CROCC2: variants seen among roughly 807,000 people sequenced by gnomAD.
CROCC2 encodes the protein ciliary rootlet coiled-coil, rootletin family member 2, also known as ciliary rootlet coiled-coil protein 2.
In CROCC2, 163 loss-of-function variants were observed where a neutral mutation model predicts 177.6. That is an observed-to-expected ratio of 0.92 (90% CI 0.81 to 1.05). The LOEUF (loss-of-function observed/expected upper bound fraction) is 1.05, where lower values mean the gene tolerates loss of function less well. Ranked by LOEUF, CROCC2 falls within the 50% of genes least tolerant of loss-of-function variation. CROCC2 has a pLI of 0.00. For synonymous variants in CROCC2, 904 were observed against 787.3 expected (o/e 1.15, Z -2.48); for missense variants, 1,929 against 1,797.8 (o/e 1.07, Z -1.32).
At position 240,922,553 on chromosome 2, in the gene CROCC2, G is replaced by A. The variant is rs1453280205; in HGVS notation, c.396G>A (p.Leu132=). 2.9e-6 allele frequency: 2 copies of A among 695,656 alleles called. No individual in the cohort carries two copies. The highest frequency in any genetic ancestry group is 2.7e-6 in the Non-Finnish European group (1 of 371,724). 43.1% of individuals were successfully genotyped at this position (695,656 alleles called of 1,614,324 possible). A position where few individuals can be genotyped will look rare whatever the true frequency, so the allele number is the denominator to read the frequency against. The change falls in exon 4 of 32, where the codon CTG becomes CTA. Residue 132 remains leucine, a synonymous_variant. Coordinates refer to ENST00000690015, the MANE Select transcript of CROCC2 (RefSeq NM_001351305.2). The part of the protein sequence containing the change: ...RVVSEQLQAR[L]ETTEAQLRRS... ...CTCCTCCCCAGCTGCAGGCCCGGCT[G>A]GAGACCACCGAGGCTCAGCTGCGGA...
intron 20 of CROCC2, among the ~76,000 whole-genome samples, chr2:240,962,041 C>T (rs1442587981): frequency 8.3e-5 from 12 of 144,842 alleles, no homozygotes; most frequent in South Asian, 4.5e-4. Context: ...CACGCACACA[C>T]GCGCACACAC....
At chr2:240,983,789 C>A in intron 28 of CROCC2, 1 of 381,842 alleles carries the variant, frequency 2.6e-6, no homozygotes, top group Non-Finnish European at 4.6e-6. Flanking sequence ...CCTGGGGAGG[C>A]ACCATGGGTG....
intron 5 of CROCC2, among the ~76,000 whole-genome samples, chr2:240,926,093 C>G (rs1027364879): frequency 6.6e-6 from 1 of 152,344 alleles, no homozygotes; most frequent in East Asian, 1.9e-4. Flanking sequence ...TACTGCCCCC[C>G]ACCCGGAGAA....
intron 14 of CROCC2, among the ~76,000 whole-genome samples, chr2:240,945,136 C>A (rs2106467368): frequency 6.6e-6 from 1 of 152,238 alleles, no homozygotes; most frequent in East Asian, 1.9e-4. Flanking sequence ...GGGGTTTCAC[C>A]ATGTTGCCAG....
At position 240,949,050 on chromosome 2, in the gene CROCC2, T is replaced by C; in HGVS notation, c.2435T>C (p.Leu812Pro). ...CTGGCCACAAAGCTGCAGGAGCAGC[T>C]GGAGGAGGAAGCCCGGAGCGCAGGA... ...QQLATKLQEQ[L>P]EEEARSAGLA... Residue 812 changes from leucine to proline, a missense_variant, in exon 16 of 32, where the codon CTG (leucine) becomes CCG (proline). Around this residue, in one of 3 missense-constraint regions of CROCC2, gnomAD observed 1,397 missense variants for 1,239.9 expected, o/e 1.13. Transcript: ENST00000690015. This position sits in a 1 kb window ranked among gnomAD's most constrained non-coding sequence, Gnocchi z 4.5. 2 of 1,549,512 alleles carry C rather than the reference T, an allele frequency of 1.3e-6. No homozygotes were observed. Among genetic ancestry groups the C allele is most frequent in the Non-Finnish European group, 1.7e-6 (2 of 1,146,780 alleles).
chr2:240,945,261 C>G (rs1009064179), intron 14 of CROCC2, among the ~76,000 whole-genome samples: 1 of 152,196 alleles, frequency 6.6e-6, no homozygotes, highest in Non-Finnish European at 1.5e-5. Flanking sequence ...CCCTGGCAGG[C>G]AGTGAACGTA....
intron 28 of CROCC2, among the ~76,000 whole-genome samples, chr2:240,987,109 G>C (rs112134369): frequency 0.035 from 5,357 of 152,322 alleles, 315 homozygotes; most frequent in African/African-American, 0.12. Context: ...AGGGGGCCCA[G>C]CGCCATGGAG....
In CROCC2 at chr2:240,993,136, G is replaced by T; in HGVS notation, c.*55G>T. 1 of 712,080 alleles carries T rather than the reference G, an allele frequency of 1.4e-6. No individual in the cohort carries two copies. The highest frequency in any genetic ancestry group is 1.5e-5 in the South Asian group (1 of 66,926). 44.1% of individuals were successfully genotyped at this position (712,080 alleles called of 1,614,324 possible). On this transcript the variant is annotated 3_prime_UTR_variant, in exon 32 of 32. Coordinates refer to ENST00000690015, the MANE Select transcript of CROCC2 (RefSeq NM_001351305.2). ...TGGCTGCAGAGGAAGGGAACGCACC[G>T]CAGGTGGGAGGGGCCCAGCTGATTT...
chr2:240,925,721 C>T lies in CROCC2; in HGVS notation c.489-3C>T, dbSNP rs535528559. 1 of 714,328 alleles carries T rather than the reference C, an allele frequency of 1.4e-6. No individual in the cohort carries two copies. The highest frequency in any genetic ancestry group is 1.7e-5 in the African/African-American group (1 of 57,348). The allele number at this position is 714,328 out of a possible 1,614,324, so 44.2% of individuals were successfully genotyped here. A position where few individuals can be genotyped will look rare whatever the true frequency, so the allele number is the denominator to read the frequency against. ...CACCATGCCCTGTGGGTTCTCTGTC[C>T]AGGAGCACCGGCCTCTGTCAGGTGA... On this transcript the variant is annotated splice_region_variant and splice_polypyrimidine_tract_variant and intron_variant, in intron 4 of 31. Transcript: ENST00000690015.
chr2:240,932,134 C>T (rs777199160), intron 7 of CROCC2, among the ~76,000 whole-genome samples, 184 bp from the exon 8 acceptor site: 2 of 152,212 alleles, frequency 1.3e-5, no homozygotes, highest in Admixed American at 6.5e-5. Context: ...CTGGGAGCCA[C>T]TGAAGGCTCT....
chr2:240,906,984 C>T (rs10165620), intron 1 of CROCC2, among the ~76,000 whole-genome samples: 2 of 56,052 alleles, frequency 3.6e-5, no homozygotes, highest in African/African-American at 8.9e-5. Flanking sequence ...AGAGAGAGCC[C>T]GGGGCCGCTG....
At chr2:240,966,500 G>A in intron 25 of CROCC2, 91 bp downstream of exon 25, 9 of 398,252 alleles carry the variant, frequency 2.3e-5, no homozygotes, top group Non-Finnish European at 4.0e-5. Context: ...GCGCGTCCCT[G>A]GGTCTGAGGG....
At chr2:240,968,299 C>G (rs1435404620) in intron 27 of CROCC2, 37 bp downstream of exon 27, 1 of 1,507,032 alleles carries the variant, frequency 6.6e-7, no homozygotes, top group African/African-American at 1.4e-5. Context: ...AGGTGGGGCA[C>G]AAGAACAAGG....
At position 240,933,866 on chromosome 2, in the gene CROCC2, G is replaced by A. The variant is rs1257480261; in HGVS notation, c.1646+14G>A. ...ACTGGAGACCAGGTGCGCGGCCGTG[G>A]CTGGGTGGGCAGGGCCCCTCCCACA... On this transcript the variant is annotated intron_variant, in intron 11 of 31. Transcript: ENST00000690015. 1 of 1,538,578 alleles carries A rather than the reference G, an allele frequency of 6.5e-7. No homozygotes were observed. The highest frequency in any genetic ancestry group is 8.8e-7 in the Non-Finnish European group (1 of 1,140,460).
Position 240,993,306 on chromosome 2 carries a change from A to G in CROCC2, c.*225A>G, listed in dbSNP as rs866048117. On this transcript the variant is annotated 3_prime_UTR_variant, in exon 32 of 32. Coordinates refer to ENST00000690015, the MANE Select transcript of CROCC2 (RefSeq NM_001351305.2). ...TTGAATTTTAATAAATAGTTGAATC[A>G]GCGTAGGAGATGCTATTTTAACTTA... The G allele has an allele frequency of 7.7e-6, 4 of 522,488 alleles. No individual in the cohort carries two copies. Among genetic ancestry groups the G allele is most frequent in the Middle Eastern group, 2.8e-4 (1 of 3,574 alleles). The allele number at this position is 522,488 out of a possible 1,614,324, so 32.4% of individuals were successfully genotyped here.
In CROCC2 at chr2:240,991,208, AAGG is replaced by A. The variant is rs1373579043; in HGVS notation, c.4879_4881del (p.Glu1627del). The A allele has an allele frequency of 3.9e-6, 6 of 1,546,244 alleles. No individual in the cohort carries two copies. Among genetic ancestry groups the A allele is most frequent in the Non-Finnish European group, 4.4e-6 (5 of 1,144,890 alleles). On this transcript the variant is annotated inframe_deletion, in exon 31 of 32. Transcript: ENST00000690015. ...GTCCTGTCCCCAGGTGGCCAGCCTG[AAGG>A]AGCAACTGGACCAGGAAGTGCAGTG...
chr2:240,927,225 AC>A (rs1278898039), intron 5 of CROCC2, among the ~76,000 whole-genome samples: 1 of 151,812 alleles, frequency 6.6e-6, no homozygotes, highest in Non-Finnish European at 1.5e-5. Context: ...TGCTCTGAAG[AC>A]CCCTGCTCCG....
chr2:240,956,155 T>G (rs928590995), intron 19 of CROCC2, among the ~76,000 whole-genome samples, 183 bp downstream of exon 19: 3 of 152,194 alleles, frequency 2.0e-5, no homozygotes, highest in African/African-American at 7.2e-5. Context: ...GCAGGAAAGA[T>G]CCAAGTGAAC....
chr2:240,934,488 C>T lies in CROCC2; in HGVS notation c.1791+13C>T. 1 of 1,545,154 alleles carries T rather than the reference C, an allele frequency of 6.5e-7. No homozygotes were observed. ...CGCCCTGGCGCGGGTACACTCTGCT[C>T]CCCACAACCCCGCCCCCTCTCCTGT... On this transcript the variant is annotated intron_variant, in intron 12 of 31. Coordinates refer to ENST00000690015, the MANE Select transcript of CROCC2 (RefSeq NM_001351305.2).
Sources: allele counts gnomAD v4.1 joint callset (sites outside exome capture counted in the v4.1 genomes callset), GRCh38; gene constraint gnomAD v4.1.1; regional missense constraint gnomAD v4.1.1; non-coding constraint Gnocchi (gnomAD v3.1); transcripts MANE v1.5; gene names NCBI Gene and HGNC (gene_info 2026-07-23, HGNC 2026-07-21).